Variants in HEG1 observed in about 807,000 individuals in gnomAD.
The protein encoded by HEG1 is protein HEG homolog 1.
In HEG1, 56 loss-of-function variants were observed where a neutral mutation model predicts 125.6. The observed-to-expected ratio is 0.45, with a 90% confidence interval of 0.36 to 0.56. HEG1 has a LOEUF of 0.56. Among genes scored for constraint, HEG1 ranks in the 20% least tolerant of loss-of-function variants. The pLI is 0.00. For synonymous variants in HEG1, 644 were observed against 668.5 expected (o/e 0.96, Z 0.57); for missense variants, 1,523 against 1,670.0 (o/e 0.91, Z 1.53).
At chr3:125,036,454 T>G (rs1289369705) in intron 1 of HEG1, among the ~76,000 whole-genome samples, 1 of 152,180 alleles carries the variant, frequency 6.6e-6, no homozygotes, top group African/African-American at 2.4e-5. Flanking sequence ...ATAGGAGTGG[T>G]CAGAGTTTTT....
intron 1 of HEG1, among the ~76,000 whole-genome samples, chr3:125,053,883 A>G (rs1325315711): frequency 6.6e-6 from 1 of 152,114 alleles, no homozygotes; most frequent in South Asian, 2.1e-4. Flanking sequence ...ACCTCTCTCT[A>G]GAGATCCCGC....
At chr3:124,995,133 T>A (rs1172940592) in intron 12 of HEG1, among the ~76,000 whole-genome samples, 1 of 152,082 alleles carries the variant, frequency 6.6e-6, no homozygotes, top group African/African-American at 2.4e-5. Flanking sequence ...AGCCCATCTC[T>A]ACAAAGAATA....
intron 1 of HEG1, among the ~76,000 whole-genome samples, chr3:125,053,834 C>T (rs994592781): frequency 6.6e-6 from 1 of 152,194 alleles, no homozygotes; most frequent in African/African-American, 2.4e-5. Context: ...AGCTAGCTGC[C>T]TCCACTGTCC....
intron 14 of HEG1, among the ~76,000 whole-genome samples, chr3:124,985,195 A>G (rs1936718561): frequency 6.6e-6 from 1 of 152,146 alleles, no homozygotes; most frequent in Admixed American, 6.5e-5. Flanking sequence ...GAAGTTGCTC[A>G]TTTCCAATAA....
chr3:125,034,074 G>A lies in HEG1; in HGVS notation c.317-4586C>T, dbSNP rs1413289109. On this transcript the variant is annotated intron_variant, in intron 1 of 16. Transcript: ENST00000311127. ...TATATCTCCAATACACACACATCCT[G>A]TTAATAATGGGGCAGGGGCGGTCCT... Among the ~76,000 whole-genome samples the A allele has an allele frequency of 8.6e-5, 13 of 151,102 alleles. No homozygotes were observed. The Admixed American group carries it at 8.6e-4, about 10-fold the overall frequency.
At chr3:125,034,196 G>T (rs77730097) in intron 1 of HEG1, among the ~76,000 whole-genome samples, 1 of 39,734 alleles carries the variant, frequency 2.5e-5, no homozygotes, top group African/African-American at 7.3e-5. Context: ...CATTTATTGA[G>T]AAAACGAGGC....
intron 1 of HEG1, among the ~76,000 whole-genome samples, chr3:125,039,296 A>T (rs188382525): frequency 6.6e-6 from 1 of 152,244 alleles, no homozygotes; most frequent in Admixed American, 6.5e-5. Flanking sequence ...AGGATTTCCT[A>T]ATTAGCAGCT....
intron 16 of HEG1, among the ~76,000 whole-genome samples, chr3:124,973,164 G>A (rs1936476141): frequency 1.3e-5 from 2 of 151,942 alleles, no homozygotes; most frequent in African/African-American, 4.8e-5. Flanking sequence ...TAGAACCACA[G>A]GCGAGCACCA....
intron 1 of HEG1, among the ~76,000 whole-genome samples, chr3:125,030,392 T>C (rs374137270): frequency 5.9e-5 from 9 of 152,212 alleles, no homozygotes; most frequent in African/African-American, 2.2e-4. Flanking sequence ...TTTAGCTGCA[T>C]AGATGTTCAT....
chr3:125,010,809 GCTGCTTACA>G (rs1937147810), intron 6 of HEG1, among the ~76,000 whole-genome samples: 2 of 152,200 alleles, frequency 1.3e-5, no homozygotes, highest in African/African-American at 4.8e-5. Flanking sequence ...GTAATCAAAT[GCTGCTTACA>G]GGTCACTCCA....
intron 1 of HEG1, among the ~76,000 whole-genome samples, chr3:125,042,666 T>C (rs1463344441): frequency 6.6e-6 from 1 of 152,100 alleles, no homozygotes; most frequent in Non-Finnish European, 1.5e-5. Flanking sequence ...TAGAAACTCA[T>C]CCTCCCTTCC....
At chr3:124,999,543 C>T (rs2107695229) in intron 11 of HEG1, among the ~76,000 whole-genome samples, 1 of 152,358 alleles carries the variant, frequency 6.6e-6, no homozygotes, top group South Asian at 2.1e-4. Context: ...GTTTTCCTTC[C>T]ACCCTGCCCA....
intron 12 of HEG1, among the ~76,000 whole-genome samples, chr3:124,991,437 C>G (rs1408322168): frequency 1.3e-5 from 2 of 152,190 alleles, no homozygotes; most frequent in Non-Finnish European, 2.9e-5. Flanking sequence ...AGGCATGATT[C>G]GCCATGCCTA....
rs369346907 is a variant in HEG1 at position 125,010,533 on chromosome 3, A to C, written c.2979T>G (p.Pro993=). Residue 993 remains proline (P), a synonymous_variant, in exon 7 of 17, where the codon CCT becomes CCG. Coordinates refer to ENST00000311127, the MANE Select transcript of HEG1 (RefSeq NM_020733.2). ...CGACGCATTCGCCATTGTGAAGACA[A>C]GGGTTCACAGCACAGCTGTTGACTA... ...SASVNSCAVN[P]CLHNGECVAD... 1 of 1,557,608 alleles carries C rather than the reference A, an allele frequency of 6.4e-7. No homozygotes were observed. Among genetic ancestry groups the C allele is most frequent in the Non-Finnish European group, 8.7e-7 (1 of 1,149,924 alleles).
chr3:125,029,264 A>G lies in HEG1; in HGVS notation c.541T>C (p.Phe181Leu). Reference sequence around the variant, plus strand: ...GAGTACCCAACAGGCAAAATGGTGAAGTTTGTTCTACTTGAAGAGCCGCTC... The same window carrying G: ...GAGTACCCAACAGGCAAAATGGTGAGGTTTGTTCTACTTGAAGAGCCGCTC... ...GRSGSSSRTN[F>L]TILPVGYSLE... The change falls in exon 2 of 17, where the codon TTC becomes CTC. Residue 181 changes from phenylalanine to leucine, a missense_variant. By Grantham distance (22) the Phe-to-Leu change is conservative (BLOSUM62 0). Transcript: ENST00000311127. 6.2e-7 allele frequency: 1 copy of G among 1,613,678 alleles called. No individual in the cohort carries two copies. The highest frequency in any genetic ancestry group is 1.3e-5 in the African/African-American group (1 of 75,052).
intron 1 of HEG1, among the ~76,000 whole-genome samples, chr3:125,030,735 T>A (rs528213977): frequency 3.9e-5 from 6 of 152,266 alleles, no homozygotes; most frequent in Non-Finnish European, 7.3e-5. Flanking sequence ...ACTTCCCATT[T>A]TACATAGGAA....
chr3:124,977,996 A>G (rs770069192), intron 14 of HEG1, 50 bp from the exon 15 acceptor site: 89 of 1,364,630 alleles, frequency 6.5e-5, no homozygotes, highest in Non-Finnish European at 8.4e-5. Context: ...TAATGAAGGA[A>G]TGAGTGAGTT....
intron 14 of HEG1, among the ~76,000 whole-genome samples, chr3:124,981,541 C>A (rs543755831): frequency 6.6e-6 from 1 of 152,314 alleles, no homozygotes; most frequent in South Asian, 2.1e-4. Context: ...CTGGTCCCTG[C>A]TCCAAGAAAT....
At chr3:124,983,053 G>A (rs1171135555) in intron 14 of HEG1, among the ~76,000 whole-genome samples, 1 of 152,184 alleles carries the variant, frequency 6.6e-6, no homozygotes, top group Non-Finnish European at 1.5e-5. Context: ...TGCTCTCACA[G>A]GAAGCTCCTC....
Sources: gnomAD v4.1 joint callset for allele counts (sites outside exome capture counted in the v4.1 genomes callset) on GRCh38, gnomAD v4.1.1 for gene constraint, MANE v1.5 for transcripts, NCBI Gene and HGNC (gene_info 2026-07-23, HGNC 2026-07-21) for gene names.